Variants in CRB1 observed in about 807,000 individuals in gnomAD.
CRB1 encodes protein crumbs homolog 1.
CRB1 carries 83 observed loss-of-function variants against 120.0 expected under a neutral mutation model. The observed-to-expected ratio is 0.69, with a 90% CI of 0.58 to 0.83. The LOEUF (loss-of-function observed/expected upper bound fraction) is 0.83, where lower values mean the gene tolerates loss of function less well. Among genes scored for constraint, CRB1 ranks in the 40% least tolerant of loss-of-function variants. The pLI is 0.00. For synonymous variants in CRB1, 625 were observed against 612.5 expected, an observed-to-expected ratio of 1.02 and a Z score of -0.30; for missense variants, 1,699 against 1,687.6, an observed-to-expected ratio of 1.01 and a Z score of -0.12.
chr1:197,307,306 A>G (rs187454012), intron 1 of CRB1, among the ~76,000 whole-genome samples: 17 of 152,314 alleles, frequency 1.1e-4, no homozygotes, highest in Admixed American at 2.6e-4. Flanking sequence ...ACAACTGCAA[A>G]TGAGGATGTT....
At chr1:197,455,647 C>T (rs1571602783) in intron 11 of CRB1, among the ~76,000 whole-genome samples, 1 of 152,084 alleles carries the variant, frequency 6.6e-6, no homozygotes, top group Non-Finnish European at 1.5e-5. Context: ...AATTTACTAT[C>T]TGAACAATTT....
the CRB1 span, among the ~76,000 whole-genome samples, chr1:197,207,062 T>C: frequency 1.3e-5 from 2 of 152,210 alleles, no homozygotes; most frequent in Non-Finnish European, 2.9e-5. Context: ...CTATTCCTCC[T>C]TGCTTTTGGT....
Position 197,443,906 on chromosome 1 carries a change from G to A in CRB1, c.4005+1614G>A, listed in dbSNP as rs184005095. On this transcript the variant is annotated intron_variant, in intron 11 of 11. Coordinates refer to ENST00000367400, the MANE Select transcript of CRB1 (RefSeq NM_201253.3). ...TACCCTTCCAAAGAAGACGTTATTT[G>A]TGTTCATTTAAAGGAAAAATAGTTT... is the stretch of plus-strand genomic sequence containing the variant. 4.2e-4 allele frequency: 64 copies of A among 151,926 alleles called. 1 individual carries two copies. Among genetic ancestry groups the A allele is most frequent in the Admixed American group, 4.2e-3 (64 of 15,276 alleles). 9.4% of individuals were successfully genotyped at this position (151,926 alleles called of 1,614,324 possible).
intron 11 of CRB1, chr1:197,442,670 C>G (rs570793429): frequency 3.1e-6 from 2 of 647,656 alleles, no homozygotes; most frequent in East Asian, 7.1e-5. Context: ...GTATTTAGTA[C>G]AAACATATTA....
the CRB1 span, among the ~76,000 whole-genome samples, chr1:197,221,060 G>A: frequency 6.6e-6 from 1 of 152,126 alleles, no homozygotes; most frequent in Admixed American, 6.5e-5. Context: ...AACATAAAAA[G>A]GTAGTCACAG....
At chr1:197,350,225 G>C (rs986054470) in intron 4 of CRB1, among the ~76,000 whole-genome samples, 1 of 152,204 alleles carries the variant, frequency 6.6e-6, no homozygotes, top group Non-Finnish European at 1.5e-5. Context: ...GATGGTTTAG[G>C]AGTAGGATAT....
At chr1:197,294,922 G>T (rs1656431466) in intron 1 of CRB1, among the ~76,000 whole-genome samples, 1 of 152,094 alleles carries the variant, frequency 6.6e-6, no homozygotes, top group African/African-American at 2.4e-5. Context: ...AGAGGGAGAG[G>T]GGAGGGATAG....
chr1:197,357,297 A>G (rs928690771), intron 5 of CRB1: 1 of 460,930 alleles, frequency 2.2e-6, no homozygotes, highest in African/African-American at 2.0e-5. Flanking sequence ...TACGTTACAC[A>G]CAGAAAATGT....
At chr1:197,370,984 G>A (rs890245754) in intron 5 of CRB1, among the ~76,000 whole-genome samples, 1 of 151,992 alleles carries the variant, frequency 6.6e-6, no homozygotes, top group African/African-American at 2.4e-5. Flanking sequence ...CCTTATTATC[G>A]CTGATAACCT....
At chr1:197,420,055 A>G (rs1558124416) in intron 5 of CRB1, among the ~76,000 whole-genome samples, 1 of 151,538 alleles carries the variant, frequency 6.6e-6, no homozygotes, top group Non-Finnish European at 1.5e-5. Context: ...TTTGGAACTT[A>G]GACTTCACTC....
chr1:197,331,375 T>C (rs1293108200), intron 2 of CRB1, among the ~76,000 whole-genome samples: 2 of 152,200 alleles, frequency 1.3e-5, no homozygotes, highest in Non-Finnish European at 2.9e-5. Context: ...AAAATGCTTA[T>C]GTCAAATGGA....
chr1:197,265,455 T>C (rs767456833), upstream of CRB1, among the ~76,000 whole-genome samples: 6 of 151,922 alleles, frequency 3.9e-5, no homozygotes, highest in Non-Finnish European at 5.9e-5. Flanking sequence ...TTTCTCTCTC[T>C]GTCTTTCCAT....
chr1:197,218,849 T>G, the CRB1 span, among the ~76,000 whole-genome samples: 1 of 152,152 alleles, frequency 6.6e-6, no homozygotes, highest in South Asian at 2.1e-4. Context: ...AAAAACAATA[T>G]CCTCAGGGAA....
chr1:197,232,666 C>A, the CRB1 span, among the ~76,000 whole-genome samples: 52,880 of 151,932 alleles, frequency 0.35, 11,586 homozygotes, highest in East Asian at 0.76. Context: ...TTTCAAACCC[C>A]AAATTCATTG....
chr1:197,218,606 A>G, the CRB1 span, among the ~76,000 whole-genome samples: 1 of 152,180 alleles, frequency 6.6e-6, no homozygotes, highest in South Asian at 2.1e-4. Flanking sequence ...ACCCCAAGAG[A>G]AAAGGATGTT....
At position 197,382,694 on chromosome 1, in the gene CRB1, T is replaced by A. The variant is rs1162482031; in HGVS notation, c.1171+25681T>A. On this transcript the variant is annotated intron_variant, in intron 5 of 11. Coordinates refer to ENST00000367400, the MANE Select transcript of CRB1 (RefSeq NM_201253.3). ...GTCATAGAAAAAAATCAGACACATA[T>A]AGGTATCCAGATGTCCAATAACAAA... Among the ~76,000 whole-genome samples the A allele has an allele frequency of 2.0e-5, 3 of 152,278 alleles. No individual in the cohort carries two copies. In the East Asian group the frequency reaches 5.8e-4, roughly 29 times the overall value.
intron 2 of CRB1, among the ~76,000 whole-genome samples, chr1:197,335,087 G>C (rs567622125): frequency 5.3e-5 from 8 of 152,302 alleles, no homozygotes; most frequent in African/African-American, 1.9e-4. Flanking sequence ...GAAATGTCTT[G>C]TGGAATAGCA....
intron 5 of CRB1, among the ~76,000 whole-genome samples, chr1:197,367,716 T>G (rs1486317311): frequency 6.6e-6 from 1 of 152,168 alleles, no homozygotes; most frequent in African/African-American, 2.4e-5. Flanking sequence ...CCAATTAGCA[T>G]GTACTCCAAC....
At chr1:197,287,020 C>G (rs935383436) in intron 1 of CRB1, among the ~76,000 whole-genome samples, 1 of 151,812 alleles carries the variant, frequency 6.6e-6, no homozygotes, top group Non-Finnish European at 1.5e-5. Context: ...TTGATAGATT[C>G]ATTTAATGCA....
Sources: allele counts gnomAD v4.1 joint callset (sites outside exome capture counted in the v4.1 genomes callset), GRCh38; gene constraint gnomAD v4.1.1; transcripts MANE v1.5; gene names NCBI Gene and HGNC (gene_info 2026-07-23, HGNC 2026-07-21).